KDM5B: variants seen among roughly 807,000 people sequenced by gnomAD.
KDM5B encodes lysine demethylase 5B, also known as lysine-specific demethylase 5B.
Under a neutral mutation model 193.4 loss-of-function variants are expected in KDM5B, and 144 were observed. The observed-to-expected ratio is 0.74, with a 90% CI of 0.65 to 0.86. The LOEUF (loss-of-function observed/expected upper bound fraction) is 0.86. KDM5B is among the 40% of genes least tolerant of loss of function. The pLI is 0.00. For missense variants in KDM5B, 1,833 were observed against 1,886.9 expected (o/e 0.97, Z 0.53); for synonymous variants, 668 against 682.6 (o/e 0.98, Z 0.33).
chr1:202,756,212 AT>A, intron 10 of KDM5B, 145 bp downstream of exon 10: 1 of 679,770 alleles, frequency 1.5e-6, no homozygotes, highest in Non-Finnish European at 2.5e-6. Context: ...TAGGACTAGA[AT>A]TCTTCTGTAG....
chr1:202,747,635 A>G (rs891274059), intron 14 of KDM5B, among the ~76,000 whole-genome samples: 9 of 152,074 alleles, frequency 5.9e-5, no homozygotes, highest in African/African-American at 2.2e-4. Flanking sequence ...TCCATGAAAA[A>G]GCTACTGGGA....
At position 202,734,003 on chromosome 1, in the gene KDM5B, C is replaced by T. The variant is rs1655000279; in HGVS notation, c.3424-117G>A. 1.5e-5 allele frequency: 19 copies of T among 1,253,446 alleles called. No homozygotes were observed. In the South Asian group the frequency reaches 2.2e-4, roughly 14 times the overall value. 77.6% of individuals were successfully genotyped at this position (1,253,446 alleles called of 1,614,324 possible). A position where few individuals can be genotyped will look rare whatever the true frequency, so the allele number is the denominator to read the frequency against. ...TGAGTAGATCATCTGTATTCAAATC[C>T]TGACTGCCTCATACTAAGCTGTGAG... is the stretch of plus-strand genomic sequence containing the variant. On this transcript the variant is annotated intron_variant, in intron 22 of 26. Transcript: ENST00000367265.
chr1:202,731,724 A>G lies in KDM5B; in HGVS notation c.4021+104T>C, dbSNP rs1000680958. 2.1e-5 allele frequency: 18 copies of G among 862,176 alleles called. No individual in the cohort carries two copies. In the African/African-American group the frequency reaches 2.4e-4, roughly 11 times the overall value. 53.4% of individuals were successfully genotyped at this position (862,176 alleles called of 1,614,324 possible). On this transcript the variant is annotated intron_variant, in intron 24 of 26. Transcript: ENST00000367265. ...CATAATAGCCTATATCCTACATTTC[A>G]GCATAAAGTCCTTTTTATGGTACTT...
intron 4 of KDM5B, among the ~76,000 whole-genome samples, chr1:202,770,677 A>G (rs1446887355): frequency 1.3e-5 from 2 of 152,228 alleles, no homozygotes; most frequent in Non-Finnish European, 2.9e-5. Context: ...AAATGCTCAT[A>G]TGATTAGTAA....
intron 6 of KDM5B, 147 bp from the exon 7 acceptor site, chr1:202,762,955 A>G: frequency 1.7e-6 from 1 of 590,232 alleles, no homozygotes; most frequent in Non-Finnish European, 3.0e-6. Context: ...TACTTTATTC[A>G]AGGGCTCAAA....
chr1:202,780,859 T>C (rs796074136), intron 1 of KDM5B, among the ~76,000 whole-genome samples: 20 of 151,988 alleles, frequency 1.3e-4, no homozygotes, highest in African/African-American at 4.3e-4. Context: ...CATATACATA[T>C]GACAAAAACC....
chr1:202,806,271 C>A (rs969735472), intron 1 of KDM5B, among the ~76,000 whole-genome samples: 2 of 152,204 alleles, frequency 1.3e-5, no homozygotes, highest in African/African-American at 4.8e-5. Flanking sequence ...TGACTCCCCA[C>A]GTTTTGGTTA....
In KDM5B at chr1:202,741,721, T is replaced by C. The variant is rs1415310765; in HGVS notation, c.2591A>G (p.Asp864Gly). 3.8e-6 allele frequency: 6 copies of C among 1,565,850 alleles called. No homozygotes were observed. Among genetic ancestry groups the C allele is most frequent in the Non-Finnish European group, 5.2e-6 (6 of 1,149,614 alleles). The change falls in exon 19 of 27, where the codon GAT (aspartate) becomes GGT (glycine). Residue 864 changes from aspartate to glycine, a missense_variant and splice_region_variant. Physicochemically the swap from Asp to Gly is moderately conservative, Grantham distance 94 (BLOSUM62 -1). Transcript: ENST00000367265. ...CVLSQTPLLK[D>G]LLNRVEDFQQ... is the part of the protein sequence containing the mutation. ...AAAATCTTCTACACGATTCAAGAGA[T>C]CCTAAAAAAAAATACACAGGTTGTT...
chr1:202,781,709 A>G (rs1657204464), intron 1 of KDM5B, among the ~76,000 whole-genome samples: 1 of 152,204 alleles, frequency 6.6e-6, no homozygotes. Flanking sequence ...GTGTGTTATA[A>G]AAGCTGTTGG....
Position 202,742,411 on chromosome 1 carries a change from T to G in KDM5B, c.2569A>C (p.Ser857Arg). 1 of 1,613,532 alleles carries G rather than the reference T, an allele frequency of 6.2e-7. No homozygotes were observed. The highest frequency in any genetic ancestry group is 1.1e-5 in the South Asian group (1 of 91,066). ...TQLYALPCVL[S>R]QTPLLKDLLN... ...GTTACCTTTAGTAATGGTGTCTGAC[T>G]GAGGACACATGGAAGAGCATACAGC... Residue 857 changes from serine (S) to arginine (R), a missense_variant, in exon 18 of 27, where the codon AGT becomes CGT. Physicochemically the swap from Ser to Arg is moderately radical, Grantham distance 110. Around this residue, in one of 3 missense-constraint regions of KDM5B, gnomAD observed 1,379 missense variants for 1,349.6 expected, o/e 1.02. Coordinates refer to ENST00000367265, the MANE Select transcript of KDM5B (RefSeq NM_006618.5).
At chr1:202,735,875 C>A (rs1367039583) in intron 21 of KDM5B, among the ~76,000 whole-genome samples, 1 of 152,136 alleles carries the variant, frequency 6.6e-6, no homozygotes, top group Non-Finnish European at 1.5e-5. Context: ...ACAAAAAGTG[C>A]AGTTAAAGCA....
intron 4 of KDM5B, among the ~76,000 whole-genome samples, chr1:202,769,449 C>T (rs1205037781): frequency 6.6e-6 from 1 of 151,192 alleles, no homozygotes; most frequent in African/African-American, 2.4e-5. Context: ...GCAGGTAGAT[C>T]ACTTGAGGTC....
Position 202,749,105 on chromosome 1 carries a change from C to T in KDM5B, c.1856G>A (p.Arg619His), listed in dbSNP as rs1167029210. ...PLGRQCVEHY[R>H]LLHRYCVFSH... The stretch of plus-strand genomic sequence containing the variant: ...AAACACACAATATCGATGAAGCAAG[C>T]GATAATGCTCCACACACTGTCGGCC... Residue 619 changes from arginine to histidine, a missense_variant, in exon 14 of 27, where the codon CGC becomes CAC. Physicochemically the swap from Arg to His is conservative, Grantham distance 29 (BLOSUM62 0). Around this residue, in one of 3 missense-constraint regions of KDM5B, gnomAD observed 1,379 missense variants for 1,349.6 expected, o/e 1.02. Transcript: ENST00000367265. 10 of 1,613,572 alleles carry T rather than the reference C, an allele frequency of 6.2e-6. No homozygotes were observed. The highest frequency in any genetic ancestry group is 1.7e-5 in the Admixed American group (1 of 59,872).
chr1:202,764,243 C>T (rs1656359455), intron 5 of KDM5B, 98 bp from the exon 6 acceptor site: 4 of 608,638 alleles, frequency 6.6e-6, no homozygotes, highest in Non-Finnish European at 1.1e-5. Flanking sequence ...CTACCAATTG[C>T]CTCTATTAAC....
At chr1:202,731,096 C>T (rs1467760759) in intron 24 of KDM5B, 33 bp from the exon 25 acceptor site, 1 of 1,545,140 alleles carries the variant, frequency 6.5e-7, no homozygotes, top group Admixed American at 1.9e-5. Flanking sequence ...AAAATGATAA[C>T]AACAAAGGGT....
chr1:202,768,912 T>C (rs1173565052), intron 4 of KDM5B, among the ~76,000 whole-genome samples: 1 of 151,726 alleles, frequency 6.6e-6, no homozygotes, highest in African/African-American at 2.4e-5. Context: ...AGACGGGGTT[T>C]CTCCATGTTG....
chr1:202,735,362 A>G, intron 22 of KDM5B, 67 bp downstream of exon 22: 2 of 1,510,980 alleles, frequency 1.3e-6, no homozygotes, highest in Non-Finnish European at 1.8e-6. Flanking sequence ...AATTCCTATA[A>G]AACAGAAAGG....
At chr1:202,741,937 C>CTTTT (rs35991410) in intron 18 of KDM5B, among the ~76,000 whole-genome samples, 1 of 147,232 alleles carries the variant, frequency 6.8e-6, no homozygotes. Context: ...GTCACTTTCT[C>CTTTT]TTTTTTTTTT....
At chr1:202,742,908 G>T in intron 16 of KDM5B, 103 bp from the exon 17 acceptor site, 1 of 942,878 alleles carries the variant, frequency 1.1e-6, no homozygotes, top group Non-Finnish European at 1.6e-6. Flanking sequence ...GTCTAGAAAT[G>T]TAACTTACAA....
Sources: allele counts gnomAD v4.1 joint callset (sites outside exome capture counted in the v4.1 genomes callset), GRCh38; gene constraint gnomAD v4.1.1; regional missense constraint gnomAD v4.1.1; transcripts MANE v1.5; gene names NCBI Gene and HGNC (gene_info 2026-07-23, HGNC 2026-07-21).